The following OR2V1 variants were observed in gnomAD, a reference collection of about 807,000 sequenced individuals.
OR2V1 encodes olfactory receptor 2V1.
OR2V1 carries 18 observed loss-of-function variants against 15.0 expected under a neutral mutation model. The ratio of observed to expected loss-of-function variants is 1.20; its 90% confidence interval spans 0.83 to 1.78. OR2V1 has a LOEUF of 1.78. Ranked by LOEUF, OR2V1 falls within the 40% of genes most tolerant of loss-of-function variation. The pLI, the probability that OR2V1 is intolerant of heterozygous loss-of-function variation, is 0.00. For missense variants in OR2V1, 359 were observed against 392.9 expected (o/e 0.91, Z 0.73); for synonymous variants, 144 against 146.1 (o/e 0.99, Z 0.10).
At chr5:181,128,073 A>G (rs1235825949) in intron 3 of OR2V1, among the ~76,000 whole-genome samples, 1 of 151,976 alleles carries the variant, frequency 6.6e-6, no homozygotes, top group Non-Finnish European at 1.5e-5. Flanking sequence ...GTGGCCAAAC[A>G]GACCACCTGC....
At position 181,124,409 on chromosome 5, in the gene OR2V1, A is replaced by T; in HGVS notation, c.896T>A (p.Met299Lys). ...LIYSLRNGEV[M>K]GALRKGLDRC... ...GTCCAGCCCCTTCCTCAGTGCCCCC[A>T]TCACCTCCCCATTCCTCAAGCTGTA... Residue 299 changes from methionine to lysine, a missense_variant, in exon 4 of 4, where the codon ATG (methionine) becomes AAG (lysine). By Grantham distance (95) the Met-to-Lys change is moderately conservative. Coordinates refer to ENST00000641551, the MANE Select transcript of OR2V1 (RefSeq NM_001258283.2). The T allele has an allele frequency of 1.9e-6, 3 of 1,611,262 alleles. No homozygotes were observed.
chr5:181,127,028 G>A (rs780195539), intron 3 of OR2V1, among the ~76,000 whole-genome samples: 27 of 152,158 alleles, frequency 1.8e-4, no homozygotes, highest in Admixed American at 9.2e-4. Flanking sequence ...GAGGTGTTCC[G>A]TGGAAGCCGG....
rs1385590661 is a variant in OR2V1 at position 181,124,527 on chromosome 5, A to T, written c.778T>A (p.Tyr260Asn). Residue 260 changes from tyrosine to asparagine, a missense_variant, in exon 4 of 4, where the codon TAC becomes AAC. By Grantham distance (143) the Tyr-to-Asn change is moderately radical. Coordinates refer to ENST00000641551, the MANE Select transcript of OR2V1 (RefSeq NM_001258283.2). ...TLFYGAAMFM[Y>N]LRPRRYRAPS... ...GCCCGGTAGCGCCTAGGCCTCAGGT[A>T]CATGAACATGGCTGCCCCATAGAAG... The T allele has an allele frequency of 1.2e-6, 2 of 1,613,688 alleles. No individual in the cohort carries two copies. The highest frequency in any genetic ancestry group is 1.7e-6 in the Non-Finnish European group (2 of 1,179,740).
Position 181,124,416 on chromosome 5 carries a change from C to T in OR2V1, c.889G>A (p.Glu297Lys), listed in dbSNP as rs755070127. ...NPLIYSLRNG[E>K]VMGALRKGLD... Reference sequence around the variant, plus strand: ...CCCTTCCTCAGTGCCCCCATCACCTCCCCATTCCTCAAGCTGTAAATGAGG... The same window carrying T: ...CCCTTCCTCAGTGCCCCCATCACCTTCCCATTCCTCAAGCTGTAAATGAGG... The change falls in exon 4 of 4, where the codon GAG (glutamate) becomes AAG (lysine). Residue 297 changes from glutamate (E) to lysine (K), a missense_variant. Glu to Lys is a moderately conservative substitution (Grantham distance 56). Transcript: ENST00000641551. 3.1e-6 allele frequency: 5 copies of T among 1,612,120 alleles called. No individual in the cohort carries two copies. The highest frequency in any genetic ancestry group is 4.2e-6 in the Non-Finnish European group (5 of 1,179,012).
rs915643541 is a variant in OR2V1 at position 181,124,689 on chromosome 5, A to G, written c.616T>C (p.Phe206Leu). The G allele has an allele frequency of 1.2e-6, 2 of 1,612,902 alleles. No individual in the cohort carries two copies. Among genetic ancestry groups the G allele is most frequent in the African/African-American group, 2.7e-5 (2 of 74,922 alleles). Residue 206 changes from phenylalanine (F) to leucine (L), a missense_variant, in exon 4 of 4, where the codon TTC (phenylalanine) becomes CTC (leucine). Physicochemically the swap from Phe to Leu is conservative, Grantham distance 22 (BLOSUM62 0). Transcript: ENST00000641551. ...FDTLLFACCV[F>L]MLLLPFSIIM... is the part of the protein sequence containing the mutation. ...ATGGAGAAGGGAAGGAGAAGCATGA[A>G]GACACAGCAAGCAAAGAGGAGGGTG...
chr5:181,127,914 CT>C (rs1297043136), intron 3 of OR2V1, among the ~76,000 whole-genome samples: 21 of 151,874 alleles, frequency 1.4e-4, no homozygotes, highest in Admixed American at 1.1e-3. Flanking sequence ...CCACTCCCCC[CT>C]CCCCCAGTCT....
rs1431663756 is a variant in OR2V1, at chr5:181,125,126, A to C, written c.179T>G (p.Met60Arg). 8 of 1,614,068 alleles carry C rather than the reference A, an allele frequency of 5.0e-6. No individual in the cohort carries two copies. Among genetic ancestry groups the C allele is most frequent in the South Asian group, 3.3e-5 (3 of 91,084 alleles). ...IYLDAGLHTP[M>R]YFFLSQLSLM... ...GGAGAGCTGGCTGAGGAAGAAGTAC[A>C]TGGGGGTGTGAAGTCCAGCGTCCAG... The change falls in exon 4 of 4, where the codon ATG becomes AGG. Residue 60 changes from methionine (M) to arginine (R), a missense_variant. Coordinates refer to ENST00000641551, the MANE Select transcript of OR2V1 (RefSeq NM_001258283.2).
At chr5:181,129,603 T>C (rs1046025788) in intron 2 of OR2V1, 28 bp from the exon 3 acceptor site, 6 of 152,234 alleles carry the variant, frequency 3.9e-5, no homozygotes, top group African/African-American at 1.4e-4. Context: ...AATTGTATTA[T>C]GAAACACAAC....
At chr5:181,127,649 TC>T (rs1185391183) in intron 3 of OR2V1, among the ~76,000 whole-genome samples, 4 of 152,086 alleles carry the variant, frequency 2.6e-5, no homozygotes, top group African/African-American at 7.2e-5. Flanking sequence ...AGGGAGCTTG[TC>T]CTGGTTCATG....
rs754068204 is a variant in OR2V1 at position 181,125,012 on chromosome 5, C to T, written c.293G>A (p.Cys98Tyr). ...GACAAAAAAGCCAATTTGTATGCCA[C>T]AGCCCACAAAGGAGATGGACTTCCT... ...SGRKSISFVG[C>Y]GIQIGFFVSL... The change falls in exon 4 of 4, where the codon TGT becomes TAT. Residue 98 changes from cysteine (C) to tyrosine (Y), a missense_variant. Cys to Tyr is a radical substitution (Grantham distance 194). Transcript: ENST00000641551. 3.7e-6 allele frequency: 6 copies of T among 1,614,188 alleles called. No homozygotes were observed. In the East Asian group the frequency reaches 8.9e-5, roughly 24 times the overall value.
In OR2V1 at chr5:181,124,062, G is replaced by C; in HGVS notation, c.*295C>G. 3.2e-6 allele frequency: 1 copy of C among 312,582 alleles called. No individual in the cohort carries two copies. Among genetic ancestry groups the C allele is most frequent in the Admixed American group, 5.0e-5 (1 of 20,192 alleles). The allele number at this position is 312,582 out of a possible 1,614,324, so 19.4% of individuals were successfully genotyped here. On this transcript the variant is annotated 3_prime_UTR_variant, in exon 4 of 4. Transcript: ENST00000641551. Reference sequence around the variant, plus strand: ...AAAAATAGAGTAAATTTAGTCCAAGGATGTCATAAACAATCAACAATGACA... The same window carrying C: ...AAAAATAGAGTAAATTTAGTCCAAGCATGTCATAAACAATCAACAATGACA...
chr5:181,124,169 C>T lies in OR2V1; in HGVS notation c.*188G>A. 2.0e-6 allele frequency: 1 copy of T among 489,532 alleles called. No individual in the cohort carries two copies. Among genetic ancestry groups the T allele is most frequent in the Non-Finnish European group, 3.4e-6 (1 of 293,542 alleles). The allele number at this position is 489,532 out of a possible 1,614,324, so 30.3% of individuals were successfully genotyped here. ...CAAAATCCCTCAGAGCACGAGTGTCCTGATTATCTTTTTTTCCTTTTTTTT... is the reference window on the plus strand; with the variant it reads ...CAAAATCCCTCAGAGCACGAGTGTCTTGATTATCTTTTTTTCCTTTTTTTT... On this transcript the variant is annotated 3_prime_UTR_variant, in exon 4 of 4. Transcript: ENST00000641551.
Position 181,124,571 on chromosome 5 carries a change from T to A in OR2V1, c.734A>T (p.His245Leu). ...WKKALATCSSHLTAVTLFYGA... is the reference protein window; with the variant it reads ...WKKALATCSSLLTAVTLFYGA... Reference sequence around the variant, plus strand: ...ATAGAAGAGGGTGACAGCTGTTAGGTGGGAGGAGCAGGTGGCCAGGGCTTT... The same window carrying A: ...ATAGAAGAGGGTGACAGCTGTTAGGAGGGAGGAGCAGGTGGCCAGGGCTTT... The change falls in exon 4 of 4, where the codon CAC (histidine) becomes CTC (leucine). Residue 245 changes from histidine to leucine, a missense_variant. Coordinates refer to ENST00000641551, the MANE Select transcript of OR2V1 (RefSeq NM_001258283.2). The A allele has an allele frequency of 1.2e-6, 2 of 1,612,502 alleles. No individual in the cohort carries two copies. Among genetic ancestry groups the A allele is most frequent in the Non-Finnish European group, 1.7e-6 (2 of 1,179,258 alleles).
At chr5:181,126,291 T>C (rs1466785345) in intron 3 of OR2V1, among the ~76,000 whole-genome samples, 4 of 152,228 alleles carry the variant, frequency 2.6e-5, no homozygotes, top group African/African-American at 9.7e-5. Context: ...TGTCACAGCA[T>C]TTGCAGAGAG....
chr5:181,129,465 T>C (rs976715467), intron 3 of OR2V1, 55 bp downstream of exon 3: 2 of 152,026 alleles, frequency 1.3e-5, no homozygotes, highest in African/African-American at 4.8e-5. Flanking sequence ...CTCAGCCATA[T>C]CAACCAGCAA....
intron 3 of OR2V1, among the ~76,000 whole-genome samples, chr5:181,127,756 G>A (rs1052876151): frequency 5.3e-5 from 8 of 151,908 alleles, no homozygotes; most frequent in African/African-American, 1.9e-4. Context: ...CAGCGACCAA[G>A]CACCATCTCA....
chr5:181,125,094 C>T lies in OR2V1; in HGVS notation c.211G>A (p.Asp71Asn), dbSNP rs1182721907. 5 of 1,614,060 alleles carry T rather than the reference C, an allele frequency of 3.1e-6. No homozygotes were observed. The highest frequency in any genetic ancestry group is 4.2e-6 in the Non-Finnish European group (5 of 1,180,046). ...YFFLSQLSLM[D>N]LMLVCNIVPK... Reference sequence around the variant, plus strand: ...ACAATGTTACAGACCAACATGAGGTCCATGAGGGAGAGCTGGCTGAGGAAG... The same window carrying T: ...ACAATGTTACAGACCAACATGAGGTTCATGAGGGAGAGCTGGCTGAGGAAG... The change falls in exon 4 of 4, where the codon GAC becomes AAC. Residue 71 changes from aspartate (D) to asparagine (N), a missense_variant. Asp to Asn is a conservative substitution (Grantham distance 23). Coordinates refer to ENST00000641551, the MANE Select transcript of OR2V1 (RefSeq NM_001258283.2).
At chr5:181,126,767 C>T (rs1169804913) in intron 3 of OR2V1, among the ~76,000 whole-genome samples, 1 of 152,260 alleles carries the variant, frequency 6.6e-6, no homozygotes, top group Middle Eastern at 3.4e-3. Flanking sequence ...TACACAAATA[C>T]AGACATATAC....
intron 3 of OR2V1, among the ~76,000 whole-genome samples, chr5:181,129,174 G>A (rs751335311): frequency 6.6e-6 from 1 of 152,198 alleles, no homozygotes; most frequent in Non-Finnish European, 1.5e-5. Flanking sequence ...CAAGCTGGCA[G>A]TGATCTATGT....
Sources: gnomAD v4.1 joint callset for allele counts (sites outside exome capture counted in the v4.1 genomes callset) on GRCh38, gnomAD v4.1.1 for gene constraint, MANE v1.5 for transcripts, NCBI Gene and HGNC (gene_info 2026-07-23, HGNC 2026-07-21) for gene names.